Variants in STK3 observed in about 807,000 individuals in gnomAD.
STK3 encodes serine/threonine kinase 3, also known as serine/threonine-protein kinase 3.
Under a neutral mutation model 58.0 loss-of-function variants are expected in STK3, and 41 were observed. The observed-to-expected ratio is 0.71, with a 90% CI of 0.55 to 0.92. The LOEUF (loss-of-function observed/expected upper bound fraction) is 0.92. Ranked by LOEUF, STK3 falls within the 40% of genes least tolerant of loss-of-function variation. The pLI, the probability that STK3 is intolerant of heterozygous loss-of-function variation, is 0.00. For missense variants in STK3, 479 were observed against 602.7 expected (o/e 0.79, Z 2.15); for synonymous variants, 170 against 191.0 (o/e 0.89, Z 0.91).
intron 3 of STK3, among the ~76,000 whole-genome samples, chr8:98,751,766 C>G (rs1366260125): frequency 6.6e-6 from 1 of 152,046 alleles, no homozygotes; most frequent in East Asian, 1.9e-4. Context: ...ACGGTGAAAC[C>G]CCCATCTCTA....
chr8:98,597,562 C>T, intron 6 of STK3: 1 of 985,352 alleles, frequency 1.0e-6, no homozygotes, highest in Non-Finnish European at 1.2e-6. Flanking sequence ...AAACAAAGGG[C>T]CACAGGCCAA....
At chr8:98,597,170 A>G in intron 6 of STK3, 1 of 592,390 alleles carries the variant, frequency 1.7e-6, no homozygotes, top group Non-Finnish European at 2.1e-6. Flanking sequence ...AGGTATTTTA[A>G]TAATTGCCTA....
intron 8 of STK3, among the ~76,000 whole-genome samples, chr8:98,552,564 T>A (rs1811256171): frequency 6.6e-6 from 1 of 152,150 alleles, no homozygotes; most frequent in Non-Finnish European, 1.5e-5. Flanking sequence ...CAGACTGGAA[T>A]GCTCATCCAT....
intron 1 of STK3, among the ~76,000 whole-genome samples, chr8:98,903,519 T>G (rs923343364): frequency 6.5e-5 from 2 of 30,830 alleles, no homozygotes; most frequent in African/African-American, 3.6e-4. Context: ...TTCTTCTTCT[T>G]CTTCTTCTTC....
intron 7 of STK3, among the ~76,000 whole-genome samples, chr8:98,585,521 A>G (rs1814459799): frequency 6.7e-6 from 1 of 150,244 alleles, no homozygotes; most frequent in Admixed American, 6.6e-5. Flanking sequence ...GTTTGAAGTC[A>G]GGTAGTGTGA....
intron 1 of STK3, among the ~76,000 whole-genome samples, chr8:98,884,818 A>T (rs1191000755): frequency 6.6e-6 from 1 of 152,242 alleles, no homozygotes; most frequent in South Asian, 2.1e-4. Context: ...GGTCACCATT[A>T]TATTCCCAGT....
intron 10 of STK3, among the ~76,000 whole-genome samples, chr8:98,465,871 C>T (rs1019192643): frequency 6.6e-6 from 1 of 152,150 alleles, no homozygotes; most frequent in African/African-American, 2.4e-5. Flanking sequence ...AGCTGAGCAC[C>T]CATTTCTTAT....
At chr8:98,803,778 A>C (rs1053006535) in intron 1 of STK3, among the ~76,000 whole-genome samples, 3 of 152,132 alleles carry the variant, frequency 2.0e-5, no homozygotes, top group Non-Finnish European at 4.4e-5. Flanking sequence ...AGTTTTAAAA[A>C]ATTAGTCCAT....
At chr8:98,696,787 A>C in intron 6 of STK3, among the ~76,000 whole-genome samples, 1 of 152,168 alleles carries the variant, frequency 6.6e-6, no homozygotes, top group East Asian at 1.9e-4. Context: ...TTTTGCATCA[A>C]TGTTCATCAA....
At chr8:98,798,356 C>T (rs1297955371) in intron 1 of STK3, among the ~76,000 whole-genome samples, 1 of 152,098 alleles carries the variant, frequency 6.6e-6, no homozygotes, top group African/African-American at 2.4e-5. Context: ...TTGGCAAACA[C>T]AATATAATGT....
intron 6 of STK3, among the ~76,000 whole-genome samples, chr8:98,627,002 GA>G (rs1445802093): frequency 6.6e-6 from 1 of 152,100 alleles, no homozygotes; most frequent in Non-Finnish European, 1.5e-5. Flanking sequence ...TGAGAAGAGA[GA>G]AAAAAATTCT....
rs1417697138 is a variant in STK3 at position 98,656,213 on chromosome 8, T to C, written c.684+50254A>G. On this transcript the variant is annotated intron_variant, in intron 6 of 10. Transcript: ENST00000419617. ...ACATGGATGAAATTGGAAATCATCA[T>C]TCTCAGTAAACTATCGCAAGGACAA... 2.0e-5 allele frequency among the ~76,000 whole-genome samples: 3 copies of C among 152,272 alleles called. No homozygotes were observed. The South Asian group carries it at 6.2e-4, about 32-fold the overall frequency.
chr8:98,593,765 A>G (rs1231645460), intron 7 of STK3, among the ~76,000 whole-genome samples: 2 of 152,180 alleles, frequency 1.3e-5, no homozygotes, highest in African/African-American at 4.8e-5. Context: ...CCTGGTGCCA[A>G]AAAGGTTGGG....
In STK3 at chr8:98,562,217, A is replaced by G. The variant is rs979242921; in HGVS notation, c.949-14056T>C. 3.9e-5 allele frequency among the ~76,000 whole-genome samples: 6 copies of G among 152,308 alleles called. No homozygotes were observed. In the East Asian group the frequency reaches 1.2e-3, roughly 29 times the overall value. On this transcript the variant is annotated intron_variant, in intron 8 of 10. Coordinates refer to ENST00000419617, the MANE Select transcript of STK3 (RefSeq NM_006281.4). ...CAAAAGCCAGCATATGAATGTATAC[A>G]GCAGCTTTATTTATTGATAACTGCC...
chr8:98,369,657 C>T (rs1367599508), downstream of STK3, among the ~76,000 whole-genome samples: 1 of 152,160 alleles, frequency 6.6e-6, no homozygotes, highest in Admixed American at 6.5e-5. Context: ...ATAAAGAAAT[C>T]AGAAGGAATT....
At chr8:98,823,460 T>C (rs187136464) in intron 1 of STK3, among the ~76,000 whole-genome samples, 1 of 152,196 alleles carries the variant, frequency 6.6e-6, no homozygotes, top group African/African-American at 2.4e-5. Flanking sequence ...CATCACTGTA[T>C]ACAACAAGAG....
chr8:98,788,679 A>C (rs1263310277), intron 1 of STK3, among the ~76,000 whole-genome samples: 1 of 152,150 alleles, frequency 6.6e-6, no homozygotes, highest in Non-Finnish European at 1.5e-5. Flanking sequence ...AAAAAAGACA[A>C]AGAGAGTCAT....
intron 10 of STK3, among the ~76,000 whole-genome samples, chr8:98,508,033 A>G (rs1824227167): frequency 6.6e-6 from 1 of 152,004 alleles, no homozygotes; most frequent in South Asian, 2.1e-4. Context: ...ATGGTTATTG[A>G]CTGTTTTCTC....
chr8:98,378,514 T>A (rs1817698483), intron 2 of STK3, among the ~76,000 whole-genome samples: 1 of 152,256 alleles, frequency 6.6e-6, no homozygotes, highest in Non-Finnish European at 1.5e-5. Context: ...TAAGCTTTGA[T>A]TTCCTCATCT....
Sources: allele counts gnomAD v4.1 joint callset (sites outside exome capture counted in the v4.1 genomes callset), GRCh38; gene constraint gnomAD v4.1.1; transcripts MANE v1.5; gene names NCBI Gene and HGNC (gene_info 2026-07-23, HGNC 2026-07-21).